The following TRPV1 variants were observed in gnomAD, a reference collection of about 807,000 sequenced individuals.
The protein encoded by TRPV1 is OTRPC1.
In TRPV1, 82 loss-of-function variants were observed where a neutral mutation model predicts 82.3. The observed-to-expected ratio is 1.00, with a 90% CI of 0.83 to 1.20. The LOEUF is 1.20. TRPV1 is among the 50% of genes most tolerant of loss of function. TRPV1 has a pLI of 0.00. For missense variants in TRPV1, 1,067 were observed against 1,096.8 expected (o/e 0.97, Z 0.38); for synonymous variants, 515 against 467.7 (o/e 1.10, Z -1.30).
At position 3,591,095 on chromosome 17, in the gene TRPV1, C is replaced by A. The variant is rs1256249305; in HGVS notation, c.473G>T (p.Cys158Phe). The change falls in exon 5 of 17, where the codon TGT becomes TTT. Residue 158 changes from cysteine (C) to phenylalanine (F), a missense_variant. By Grantham distance (205) the Cys-to-Phe change is radical. Transcript: ENST00000572705. Reference sequence around the variant, plus strand: ...CAGGTTGAGCATGGCTTTCAGCAGACAGGTCTTCCCTGTCTCAGGGTCTGA... The same window carrying A: ...CAGGTTGAGCATGGCTTTCAGCAGAAAGGTCTTCCCTGTCTCAGGGTCTGA... ...EFKDPETGKT[C>F]LLKAMLNLHD... is the part of the protein sequence containing the mutation. 1 of 1,612,860 alleles carries A rather than the reference C, an allele frequency of 6.2e-7. No homozygotes were observed. Among genetic ancestry groups the A allele is most frequent in the Admixed American group, 1.7e-5 (1 of 59,770 alleles).
chr17:3,572,293 T>C, intron 14 of TRPV1, 44 bp from the exon 15 acceptor site: 1 of 1,568,004 alleles, frequency 6.4e-7, no homozygotes. Flanking sequence ...GGGCAGAGGG[T>C]GCATCCCGGG....
Position 3,577,107 on chromosome 17 carries a change from C to A in TRPV1, c.1780+19G>T, listed in dbSNP as rs200330186. The A allele has an allele frequency of 6.4e-7, 1 of 1,572,946 alleles. No homozygotes were observed. Among genetic ancestry groups the A allele is most frequent in the Non-Finnish European group, 8.6e-7 (1 of 1,159,464 alleles). On this transcript the variant is annotated intron_variant, in intron 13 of 16. Coordinates refer to ENST00000572705, the MANE Select transcript of TRPV1 (RefSeq NM_080704.4). Reference sequence around the variant, plus strand: ...AAGCAGGACCCCTGCCCTCCCCCAGCGCTGACCAAGCTCATTACCTGTGGA... The same window carrying A: ...AAGCAGGACCCCTGCCCTCCCCCAGAGCTGACCAAGCTCATTACCTGTGGA...
intron 16 of TRPV1, among the ~76,000 whole-genome samples, chr17:3,571,312 GTCAGCCA>G (rs2074849596): frequency 6.6e-6 from 1 of 152,156 alleles, no homozygotes; most frequent in Non-Finnish European, 1.5e-5. Context: ...CCAGTGAGCC[GTCAGCCA>G]TCAGCCGTCA....
chr17:3,599,491 TAAC>T (rs2075246235), intron 2 of TRPV1, among the ~76,000 whole-genome samples: 6 of 151,796 alleles, frequency 4.0e-5, no homozygotes, highest in African/African-American at 1.5e-4. Flanking sequence ...TTTATGAATT[TAAC>T]TATTCTAGGA....
At chr17:3,572,942 C>T (rs1191609358) in intron 14 of TRPV1, among the ~76,000 whole-genome samples, 2 of 126,968 alleles carry the variant, frequency 1.6e-5, no homozygotes, top group Non-Finnish European at 3.1e-5. Flanking sequence ...AAGATCATGC[C>T]AATGCACTCC....
chr17:3,591,719 T>G (rs2075160938), intron 3 of TRPV1, among the ~76,000 whole-genome samples: 1 of 151,940 alleles, frequency 6.6e-6, no homozygotes, highest in Non-Finnish European at 1.5e-5. Flanking sequence ...GGCCTCACAC[T>G]CCCCAGAAGT....
chr17:3,601,998 G>GA (rs2075266767), intron 2 of TRPV1: 1 of 152,156 alleles, frequency 6.6e-6, no homozygotes, highest in Non-Finnish European at 1.5e-5. Context: ...AGTAATGGCT[G>GA]TGAATATGTG....
chr17:3,591,171 C>G lies in TRPV1; in HGVS notation c.451+16G>C. The G allele has an allele frequency of 6.2e-7, 1 of 1,608,548 alleles. No individual in the cohort carries two copies. The highest frequency in any genetic ancestry group is 8.5e-7 in the Non-Finnish European group (1 of 1,177,572). On this transcript the variant is annotated intron_variant, in intron 4 of 16. Coordinates refer to ENST00000572705, the MANE Select transcript of TRPV1 (RefSeq NM_080704.4). ...GCCAGGGCTGGGGCCCTCCCCGAGC[C>G]CAGCGCTGGGGCCACCTTTGAACTC...
intron 12 of TRPV1, 71 bp downstream of exon 12, chr17:3,577,527 C>A: frequency 6.6e-7 from 1 of 1,507,220 alleles, no homozygotes; most frequent in South Asian, 1.2e-5. Context: ...GGGCGGAGTT[C>A]TTGGCCCCAT....
intron 2 of TRPV1, among the ~76,000 whole-genome samples, chr17:3,594,971 G>T (rs755920086): frequency 6.6e-6 from 1 of 152,140 alleles, no homozygotes; most frequent in Non-Finnish European, 1.5e-5. Context: ...GAACCAGATG[G>T]CCGTCAGCCT....
Position 3,585,815 on chromosome 17 carries a change from T to G in TRPV1, c.1336A>C (p.Met446Leu), listed in dbSNP as rs763405623. 2 of 1,613,726 alleles carry G rather than the reference T, an allele frequency of 1.2e-6. No individual in the cohort carries two copies. The highest frequency in any genetic ancestry group is 1.7e-5 in the Admixed American group (1 of 59,984). ...TAGGCAGCCATGGTGAAGATGATCA[T>G]GTACAGGCAGTAGACCAGGAAGTTG... is the stretch of plus-strand genomic sequence containing the variant. Reference protein sequence around the residue: ...YFNFLVYCLYMIIFTMAAYYR... With the variant: ...YFNFLVYCLYLIIFTMAAYYR... Residue 446 changes from methionine to leucine, a missense_variant, in exon 9 of 17, where the codon ATG becomes CTG. Physicochemically the swap from Met to Leu is conservative, Grantham distance 15. Coordinates refer to ENST00000572705, the MANE Select transcript of TRPV1 (RefSeq NM_080704.4).
chr17:3,572,984 G>GAAA (rs137909617), intron 14 of TRPV1, among the ~76,000 whole-genome samples: 2 of 71,258 alleles, frequency 2.8e-5, no homozygotes, highest in African/African-American at 1.1e-4. Context: ...CTCCATCTCA[G>GAAA]AAAAAAAAAA....
At position 3,586,365 on chromosome 17, in the gene TRPV1, C is replaced by T. The variant is rs943391698; in HGVS notation, c.1225-439G>A. Among the ~76,000 whole-genome samples the T allele has an allele frequency of 3.3e-5, 5 of 152,340 alleles. No individual in the cohort carries two copies. The South Asian group carries it at 8.3e-4, about 25-fold the overall frequency. ...GTTTCCAGCCCTGGGTCAGGCAGGG[C>T]GGCAGGGAGGCAGGGAACTAGGAGG... On this transcript the variant is annotated intron_variant, in intron 8 of 16. Coordinates refer to ENST00000572705, the MANE Select transcript of TRPV1 (RefSeq NM_080704.4).
Position 3,598,270 on chromosome 17 carries a change from G to A in TRPV1, c.-33-5887C>T, listed in dbSNP as rs1431063988. 5.3e-5 allele frequency among the ~76,000 whole-genome samples: 8 copies of A among 152,294 alleles called. No homozygotes were observed. In the East Asian group the frequency reaches 7.7e-4, roughly 15 times the overall value. On this transcript the variant is annotated intron_variant, in intron 2 of 16. Coordinates refer to ENST00000572705, the MANE Select transcript of TRPV1 (RefSeq NM_080704.4). The stretch of plus-strand genomic sequence containing the variant: ...AGGGAGGCCCTCGTAACCCTGCCTG[G>A]GGTCGCTTGAAAGCTCTGACCCCTG...
At chr17:3,593,083 TGTGTGTGTGTGTGTGTGTG>T (rs2075181095) in intron 2 of TRPV1, among the ~76,000 whole-genome samples, 2 of 1,250 alleles carry the variant, frequency 1.6e-3, no homozygotes, top group African/African-American at 3.1e-3. Flanking sequence ...TGTTTAGGCG[TGTGTGTGTGTGTGTGTGTG>T]TGTGTGTGTG....
intron 2 of TRPV1, among the ~76,000 whole-genome samples, chr17:3,601,550 A>G (rs2075263473): frequency 6.6e-6 from 1 of 151,398 alleles, no homozygotes; most frequent in Non-Finnish European, 1.5e-5. Flanking sequence ...AGCCCTAGGG[A>G]TGCTCAAATC....
Position 3,588,187 on chromosome 17 carries a change from C to T in TRPV1, c.1224+1G>A, listed in dbSNP as rs202233522. 1.1e-5 allele frequency: 17 copies of T among 1,556,516 alleles called. No homozygotes were observed. Among genetic ancestry groups the T allele is most frequent in the Non-Finnish European group, 1.5e-5 (17 of 1,149,914 alleles). On this transcript the variant is annotated splice_donor_variant, in intron 8 of 16. Transcript: ENST00000572705. LOFTEE classifies it high-confidence loss of function. ...TCCCTGGCTGTGCCCCAGCCACTCACAGGGGTCTCGCTGCTGCTGTAGGCG... is the reference window on the plus strand; with the variant it reads ...TCCCTGGCTGTGCCCCAGCCACTCATAGGGGTCTCGCTGCTGCTGTAGGCG...
At chr17:3,599,303 T>G (rs1036995363) in intron 2 of TRPV1, among the ~76,000 whole-genome samples, 1 of 152,088 alleles carries the variant, frequency 6.6e-6, no homozygotes, top group Non-Finnish European at 1.5e-5. Context: ...TTTACCGTAT[T>G]AACCATGTTT....
At position 3,590,291 on chromosome 17, in the gene TRPV1, A is replaced by G. The variant is rs1208951324; in HGVS notation, c.706T>C (p.Phe236Leu). The G allele has an allele frequency of 6.2e-7, 1 of 1,613,952 alleles. No homozygotes were observed. Among genetic ancestry groups the G allele is most frequent in the Non-Finnish European group, 8.5e-7 (1 of 1,179,874 alleles). Residue 236 changes from phenylalanine to leucine, a missense_variant, in exon 6 of 17, where the codon TTC becomes CTC. Phe to Leu is a conservative substitution (Grantham distance 22, BLOSUM62 0). Transcript: ENST00000572705. ...GGCCGCCCTTTGGTTTTCTTAAAGA[A>G]GTCCCCATGGGCCGCAGCCTGGACG... is the stretch of plus-strand genomic sequence containing the variant. ...ADVQAAAHGD[F>L]FKKTKGRPGF... is the part of the protein sequence containing the mutation.
Sources: gnomAD v4.1 joint callset for allele counts (sites outside exome capture counted in the v4.1 genomes callset) on GRCh38, gnomAD v4.1.1 for gene constraint, MANE v1.5 for transcripts, NCBI Gene and HGNC (gene_info 2026-07-23, HGNC 2026-07-21) for gene names.